Variants in NFIL3 observed in about 807,000 individuals in gnomAD.
The protein encoded by NFIL3 is nuclear factor, interleukin 3 regulated.
In NFIL3, 5 loss-of-function variants were observed where a neutral mutation model predicts 10.0. The ratio of observed to expected loss-of-function variants is 0.50; its 90% CI spans 0.26 to 1.06. The LOEUF (loss-of-function observed/expected upper bound fraction) is 1.06, where lower values mean the gene tolerates loss of function less well. NFIL3 is among the 50% of genes least tolerant of loss of function. The pLI is 0.13. For missense variants in NFIL3, 436 were observed against 547.6 expected (o/e 0.80, Z 2.03); for synonymous variants, 202 against 206.5 (o/e 0.98, Z 0.19).
At chr9:91,440,993 A>G in the NFIL3 span, among the ~76,000 whole-genome samples, 616 of 152,190 alleles carry the variant, frequency 4.0e-3, 16 homozygotes, top group Admixed American at 0.026. Context: ...GTTGCATGGA[A>G]TGTTCTGTAT....
chr9:91,475,288 T>A, the NFIL3 span, among the ~76,000 whole-genome samples: 1 of 152,238 alleles, frequency 6.6e-6, no homozygotes, highest in Non-Finnish European at 1.5e-5. Flanking sequence ...TATAATATAC[T>A]TATGTATAGA....
At chr9:91,435,763 T>C in the NFIL3 span, among the ~76,000 whole-genome samples, 1 of 152,242 alleles carries the variant, frequency 6.6e-6, no homozygotes, top group Admixed American at 6.5e-5. Context: ...TTATTCCATG[T>C]GCCTACAGCT....
chr9:91,470,689 A>G, the NFIL3 span, among the ~76,000 whole-genome samples: 1 of 152,158 alleles, frequency 6.6e-6, no homozygotes, highest in Non-Finnish European at 1.5e-5. Flanking sequence ...ACACTGCTTT[A>G]AATGTGTCCC....
the NFIL3 span, among the ~76,000 whole-genome samples, chr9:91,480,778 A>C: frequency 6.6e-6 from 1 of 152,232 alleles, no homozygotes; most frequent in African/African-American, 2.4e-5. Flanking sequence ...CTCCTAAAAA[A>C]TTACTTCTCA....
intron 1 of NFIL3, among the ~76,000 whole-genome samples, chr9:91,413,760 C>A (rs990102430): frequency 6.6e-6 from 1 of 152,194 alleles, no homozygotes; most frequent in Non-Finnish European, 1.5e-5. Context: ...TCCCAAGGCA[C>A]CTTTCAAATC....
At chr9:91,446,962 C>T in the NFIL3 span, among the ~76,000 whole-genome samples, 4 of 152,174 alleles carry the variant, frequency 2.6e-5, no homozygotes, top group Admixed American at 6.5e-5. Flanking sequence ...ATTACAGGTC[C>T]GCACCACCAT....
chr9:91,449,686 A>G, the NFIL3 span, among the ~76,000 whole-genome samples: 1 of 152,066 alleles, frequency 6.6e-6, no homozygotes, highest in Admixed American at 6.5e-5. Flanking sequence ...TGATGTTTTT[A>G]TCTGACTTTG....
At chr9:91,427,615 C>T (rs1014296608), upstream of NFIL3, among the ~76,000 whole-genome samples, 2 of 114,398 alleles carry the variant, frequency 1.7e-5, no homozygotes, top group East Asian at 4.7e-4. Context: ...CATAGCATAC[C>T]GTTTTTGTTG....
At chr9:91,478,381 C>T in the NFIL3 span, among the ~76,000 whole-genome samples, 1 of 151,912 alleles carries the variant, frequency 6.6e-6, no homozygotes, top group Non-Finnish European at 1.5e-5. Context: ...CTTGTCTTCT[C>T]GCTTTATTTC....
chr9:91,427,146 G>GC (rs1227031649), upstream of NFIL3: 1 of 151,574 alleles, frequency 6.6e-6, no homozygotes, highest in East Asian at 1.9e-4. Context: ...AGACTGCACA[G>GC]CCCACAGCTC....
the NFIL3 span, among the ~76,000 whole-genome samples, chr9:91,463,612 G>A: frequency 6.6e-6 from 1 of 151,866 alleles, no homozygotes; most frequent in Admixed American, 6.6e-5. Context: ...TTCCATGTGA[G>A]TTTGAAAAGA....
rs779564338 is a variant in NFIL3 at position 91,409,671 on chromosome 9, A to G, written c.1064T>C (p.Ile355Thr). The G allele has an allele frequency of 6.2e-7, 1 of 1,614,220 alleles. No homozygotes were observed. ...FEATQKLSSP[I>T]DMTSKRHFEL... ...GAAATGTCTTTTAGATGTCATGTCAATAGGTGAGGAAAGTTTTTGCGTGGC... is the reference window on the plus strand; with the variant it reads ...GAAATGTCTTTTAGATGTCATGTCAGTAGGTGAGGAAAGTTTTTGCGTGGC... The change falls in exon 2 of 2, where the codon ATT (isoleucine) becomes ACT (threonine). Residue 355 changes from isoleucine (I) to threonine (T), a missense_variant. This residue lies in a region of NFIL3 where 338 missense variants were observed against 399.9 expected (regional missense o/e 0.85). Transcript: ENST00000297689.
the NFIL3 span, among the ~76,000 whole-genome samples, chr9:91,477,386 A>G: frequency 0.01 from 1,557 of 152,302 alleles, 25 homozygotes; most frequent in African/African-American, 0.035. Flanking sequence ...TAAAGGGCTC[A>G]TGTGATGAGG....
the NFIL3 span, among the ~76,000 whole-genome samples, chr9:91,443,671 G>A: frequency 1.3e-5 from 2 of 152,228 alleles, no homozygotes; most frequent in Non-Finnish European, 2.9e-5. Context: ...CAAGCCTGCA[G>A]GGACAGAGGG....
chr9:91,476,920 A>G, the NFIL3 span, among the ~76,000 whole-genome samples: 3 of 152,238 alleles, frequency 2.0e-5, no homozygotes, highest in East Asian at 5.8e-4. Context: ...CGCTAACAGA[A>G]TAATAAAAAT....
At chr9:91,416,050 T>C (rs1007091863) in intron 1 of NFIL3, among the ~76,000 whole-genome samples, 4 of 152,348 alleles carry the variant, frequency 2.6e-5, no homozygotes, top group Admixed American at 2.6e-4. Flanking sequence ...AAACATTTTA[T>C]TAATTTTCAT....
chr9:91,474,260 G>T, the NFIL3 span, among the ~76,000 whole-genome samples: 1,010 of 151,950 alleles, frequency 6.6e-3, 10 homozygotes, highest in African/African-American at 0.023. Flanking sequence ...CTTGATTTTT[G>T]AATATTGACC....
chr9:91,455,327 C>CTCTT, the NFIL3 span, among the ~76,000 whole-genome samples: 1 of 152,168 alleles, frequency 6.6e-6, no homozygotes, highest in Non-Finnish European at 1.5e-5. Context: ...TTCTATTTCC[C>CTCTT]TCTTTCCTTC....
the NFIL3 span, among the ~76,000 whole-genome samples, chr9:91,460,885 G>A: frequency 1.3e-5 from 2 of 152,150 alleles, no homozygotes; most frequent in Non-Finnish European, 2.9e-5. Context: ...CTTGAAAACT[G>A]CAAAAATGCC....
Sources: gnomAD v4.1 joint callset for allele counts (sites outside exome capture counted in the v4.1 genomes callset) on GRCh38, gnomAD v4.1.1 for gene constraint, gnomAD v4.1.1 regional missense constraint, MANE v1.5 for transcripts, NCBI Gene and HGNC (gene_info 2026-07-23, HGNC 2026-07-21) for gene names.